SUGCT: variants seen among roughly 807,000 people sequenced by gnomAD.
SUGCT encodes succinyl-CoA:glutarate CoA-transferase.
A neutral mutation model predicts 55.0 loss-of-function variants in SUGCT; 41 were observed. The ratio of observed to expected loss-of-function variants is 0.74; its 90% CI spans 0.58 to 0.97. The LOEUF (loss-of-function observed/expected upper bound fraction) is 0.97, where lower values mean the gene tolerates loss of function less well. SUGCT is among the 50% of genes least tolerant of loss of function. The pLI is 0.00. For missense variants in SUGCT, 568 were observed against 547.8 expected, an observed-to-expected ratio of 1.04 and a Z score of -0.37; for synonymous variants, 187 against 200.4, an observed-to-expected ratio of 0.93 and a Z score of 0.56.
intron 12 of SUGCT, among the ~76,000 whole-genome samples, chr7:40,679,711 C>G (rs749726190): frequency 1.3e-5 from 2 of 152,086 alleles, no homozygotes; most frequent in Non-Finnish European, 2.9e-5. Flanking sequence ...TAAAAAAGCC[C>G]ACATGTAGAA....
In SUGCT at chr7:40,256,880, A is replaced by C. The variant is rs185831532; in HGVS notation, c.577-17633A>C. Among the ~76,000 whole-genome samples, 63 of 151,824 alleles carry C rather than the reference A, an allele frequency of 4.1e-4. No individual in the cohort carries two copies. The East Asian group carries it at 9.6e-3, about 23-fold the overall frequency. On this transcript the variant is annotated intron_variant, in intron 7 of 13. Transcript: ENST00000335693. ...TGCTCTGGCCTCCTGAGTAGCCGGG[A>C]CTACAGGCGCCCACTACCACACCCA...
chr7:40,511,099 C>A (rs865832506), intron 12 of SUGCT, among the ~76,000 whole-genome samples: 1 of 152,102 alleles, frequency 6.6e-6, no homozygotes, highest in Non-Finnish European at 1.5e-5. Context: ...TAGTATTTTT[C>A]CATCATCGTC....
intron 12 of SUGCT, among the ~76,000 whole-genome samples, chr7:40,698,574 A>G (rs1460346615): frequency 6.6e-6 from 1 of 152,172 alleles, no homozygotes; most frequent in Non-Finnish European, 1.5e-5. Context: ...CAACTTACAC[A>G]TATCAGGCTA....
the SUGCT span, chr7:40,965,620 A>T: frequency 1.3e-5 from 2 of 152,218 alleles, no homozygotes. Context: ...TTAAAGTACT[A>T]TATATTCATA....
At chr7:40,898,117 T>A in the SUGCT span, among the ~76,000 whole-genome samples, 1 of 152,120 alleles carries the variant, frequency 6.6e-6, no homozygotes, top group Non-Finnish European at 1.5e-5. Flanking sequence ...GTCTGCAGCT[T>A]CACTCGTGAA....
intron 13 of SUGCT, among the ~76,000 whole-genome samples, chr7:40,762,720 T>C (rs891107058): frequency 2.0e-5 from 3 of 152,190 alleles, no homozygotes; most frequent in African/African-American, 7.2e-5. Flanking sequence ...TTTAATTTGC[T>C]ATAATTCAGG....
At chr7:40,773,198 G>T (rs929648725) in intron 13 of SUGCT, among the ~76,000 whole-genome samples, 8 of 151,332 alleles carry the variant, frequency 5.3e-5, no homozygotes, top group African/African-American at 1.7e-4. Context: ...GTGTGATCTC[G>T]GCTCACTGCA....
At chr7:40,217,495 A>G in intron 6 of SUGCT, 1 of 429,324 alleles carries the variant, frequency 2.3e-6, no homozygotes, top group Non-Finnish European at 4.7e-6. Context: ...TACAGGAATG[A>G]GCCACCGCGC....
At chr7:40,564,024 C>A (rs116698681) in intron 12 of SUGCT, among the ~76,000 whole-genome samples, 4,459 of 152,112 alleles carry the variant, frequency 0.029, 211 homozygotes, top group African/African-American at 0.1. Flanking sequence ...GTAAACATAC[C>A]AAAACGTTTC....
the SUGCT span, among the ~76,000 whole-genome samples, chr7:40,925,299 T>TC: frequency 1.3e-5 from 2 of 152,202 alleles, no homozygotes; most frequent in Non-Finnish European, 2.9e-5. Context: ...CACATGATAT[T>TC]CCCCCATGTA....
chr7:40,828,717 A>G (rs1167630868), intron 13 of SUGCT, among the ~76,000 whole-genome samples: 2 of 152,212 alleles, frequency 1.3e-5, no homozygotes, highest in African/African-American at 2.4e-5. Flanking sequence ...TTTATGCAGT[A>G]AGAGCTAGAA....
At chr7:40,865,926 C>A in the SUGCT span, among the ~76,000 whole-genome samples, 1 of 152,214 alleles carries the variant, frequency 6.6e-6, no homozygotes, top group Non-Finnish European at 1.5e-5. Context: ...CACTTTGCCA[C>A]ATCGCTCCCC....
At chr7:40,178,857 A>C (rs1293543242) in intron 1 of SUGCT, among the ~76,000 whole-genome samples, 1 of 152,082 alleles carries the variant, frequency 6.6e-6, no homozygotes, top group Non-Finnish European at 1.5e-5. Flanking sequence ...TTTGCTGTTC[A>C]CTAAAGAAGC....
downstream of SUGCT, among the ~76,000 whole-genome samples, chr7:40,863,804 A>T (rs1794534648): frequency 2.0e-5 from 3 of 152,128 alleles, no homozygotes; most frequent in Non-Finnish European, 4.4e-5. Context: ...ACAGTTGCTT[A>T]TCTTGATTAC....
rs368104301 is a variant in SUGCT at position 40,390,390 on chromosome 7, C to T, written c.817-58897C>T. Among the ~76,000 whole-genome samples, 353 of 152,226 alleles carry T rather than the reference C, an allele frequency of 2.3e-3. 12 individuals are homozygous for T. The South Asian group carries it at 0.059, about 26-fold the overall frequency. ...TGACTGTATATTTAGAAAACCCCAT[C>T]GTCTCAGCCCAAAATCTCCTTAAGC... is the stretch of plus-strand genomic sequence containing the variant. On this transcript the variant is annotated intron_variant, in intron 9 of 13. Coordinates refer to ENST00000335693, the MANE Select transcript of SUGCT (RefSeq NM_001193313.2).
intron 12 of SUGCT, among the ~76,000 whole-genome samples, chr7:40,573,583 G>T (rs1306248895): frequency 6.6e-6 from 1 of 152,212 alleles, no homozygotes; most frequent in African/African-American, 2.4e-5. Context: ...GTGAAGTGAG[G>T]TTTCAAAACA....
At position 40,432,658 on chromosome 7, in the gene SUGCT, C is replaced by A. The variant is rs535887540; in HGVS notation, c.817-16629C>A. On this transcript the variant is annotated intron_variant, in intron 9 of 13. Transcript: ENST00000335693. ...CCAAGATTGTGCCGCTGCACTCCAG[C>A]CTGAGCAACAGAGTGAGACTCCCTC... Among the ~76,000 whole-genome samples, 74 of 144,400 alleles carry A rather than the reference C, an allele frequency of 5.1e-4. 1 individual carries two copies. The highest frequency in any genetic ancestry group is 1.8e-3 in the African/African-American group (71 of 39,308). 94.7% of individuals were successfully genotyped at this position (144,400 alleles called of 152,430 possible).
At chr7:40,203,018 A>G (rs571155222) in intron 6 of SUGCT, among the ~76,000 whole-genome samples, 1 of 152,292 alleles carries the variant, frequency 6.6e-6, no homozygotes, top group East Asian at 1.9e-4. Flanking sequence ...GTGCTTAGGT[A>G]ATTCCAAATT....
At chr7:40,958,509 A>G in the SUGCT span, among the ~76,000 whole-genome samples, 6 of 151,848 alleles carry the variant, frequency 4.0e-5, no homozygotes, top group East Asian at 7.9e-4. Flanking sequence ...TTTCACCTCC[A>G]TCAGGTCATT....
Sources: allele counts gnomAD v4.1 joint callset (sites outside exome capture counted in the v4.1 genomes callset), GRCh38; gene constraint gnomAD v4.1.1; transcripts MANE v1.5; gene names NCBI Gene and HGNC (gene_info 2026-07-23, HGNC 2026-07-21).